Variants in AFG1L observed in about 807,000 individuals in gnomAD.
AFG1L encodes AFG1 like ATPase.
Under a neutral mutation model 62.2 loss-of-function variants are expected in AFG1L, and 53 were observed. The observed-to-expected ratio is 0.85, with a 90% confidence interval of 0.68 to 1.07. AFG1L has a LOEUF of 1.07. Among genes scored for constraint, AFG1L ranks in the 50% least tolerant of loss-of-function variants. The pLI, the probability that AFG1L is intolerant of heterozygous loss-of-function variation, is 0.00. For missense variants in AFG1L, 555 were observed against 590.5 expected (o/e 0.94, Z 0.62); for synonymous variants, 228 against 210.3 (o/e 1.08, Z -0.73).
At chr6:108,473,032 C>T (rs1389212941) in intron 8 of AFG1L, among the ~76,000 whole-genome samples, 1 of 151,990 alleles carries the variant, frequency 6.6e-6, no homozygotes, top group Non-Finnish European at 1.5e-5. Context: ...CAACTCCTGG[C>T]CTCAAGTAAT....
At chr6:108,344,548 T>G (rs138447433) in intron 2 of AFG1L, among the ~76,000 whole-genome samples, 241 of 152,282 alleles carry the variant, frequency 1.6e-3, no homozygotes, top group African/African-American at 4.9e-3. Context: ...ATCATGCCAC[T>G]GCACTCCAGC....
chr6:108,430,541 A>G (rs1348507206), intron 7 of AFG1L, among the ~76,000 whole-genome samples: 1 of 152,216 alleles, frequency 6.6e-6, no homozygotes, highest in Non-Finnish European at 1.5e-5. Flanking sequence ...TCCCACACCC[A>G]TGAACAGGCT....
At chr6:108,377,199 A>G (rs547860459) in intron 6 of AFG1L, among the ~76,000 whole-genome samples, 5 of 152,092 alleles carry the variant, frequency 3.3e-5, no homozygotes, top group African/African-American at 9.7e-5. Flanking sequence ...TCTTTATCCA[A>G]CTTGCCACTC....
chr6:108,307,834 A>C (rs377484294), intron 1 of AFG1L, among the ~76,000 whole-genome samples: 1 of 152,268 alleles, frequency 6.6e-6, no homozygotes, highest in East Asian at 1.9e-4. Flanking sequence ...ATCCTCACTA[A>C]CAGCTGGTAT....
At chr6:108,392,177 A>T (rs1781084602) in intron 6 of AFG1L, 1 of 152,174 alleles carries the variant, frequency 6.6e-6, no homozygotes, top group South Asian at 2.1e-4. Flanking sequence ...AAAATTTTTT[A>T]AAAAAGAAAA....
chr6:108,365,517 A>G (rs961004284), intron 5 of AFG1L, among the ~76,000 whole-genome samples: 3 of 138,682 alleles, frequency 2.2e-5, no homozygotes, highest in Admixed American at 7.5e-5. Flanking sequence ...GGTAGAAGGA[A>G]TATTTGTGTT....
intron 7 of AFG1L, among the ~76,000 whole-genome samples, chr6:108,434,121 T>A (rs1286152530): frequency 1.3e-5 from 2 of 152,224 alleles, no homozygotes; most frequent in Non-Finnish European, 2.9e-5. Flanking sequence ...TATGAATATT[T>A]ATGAATGTGG....
intron 10 of AFG1L, among the ~76,000 whole-genome samples, chr6:108,485,662 T>A (rs2355854): frequency 0.028 from 707 of 25,480 alleles, 1 homozygote; most frequent in Non-Finnish European, 0.04. Context: ...ATATATTTTT[T>A]TTTTTTTTTT....
At chr6:108,347,128 C>T (rs1466073390) in intron 3 of AFG1L, 89 bp downstream of exon 3, 3 of 1,110,604 alleles carry the variant, frequency 2.7e-6, no homozygotes, top group Non-Finnish European at 4.1e-6. Flanking sequence ...ATCCCTCAAT[C>T]TGTTACCAGC....
chr6:108,386,134 T>C (rs1780752764), intron 6 of AFG1L, among the ~76,000 whole-genome samples: 2 of 151,940 alleles, frequency 1.3e-5, no homozygotes, highest in East Asian at 3.9e-4. Context: ...AATAAAAGAA[T>C]GAAGGCAAAA....
At chr6:108,346,094 A>G (rs1778854082) in intron 2 of AFG1L, among the ~76,000 whole-genome samples, 1 of 152,194 alleles carries the variant, frequency 6.6e-6, no homozygotes, top group Non-Finnish European at 1.5e-5. Context: ...GTGGGCTACT[A>G]TGGTTATTGC....
intron 8 of AFG1L, among the ~76,000 whole-genome samples, chr6:108,466,119 C>G (rs568262664): frequency 9.4e-4 from 143 of 152,272 alleles, no homozygotes; most frequent in Non-Finnish European, 1.8e-3. Flanking sequence ...AATTTATCCA[C>G]CATAATCACT....
intron 10 of AFG1L, among the ~76,000 whole-genome samples, chr6:108,489,792 C>T (rs963024058): frequency 6.6e-6 from 1 of 152,048 alleles, no homozygotes; most frequent in Non-Finnish European, 1.5e-5. Context: ...GGTAGGAGAA[C>T]GGGGCTTACA....
At chr6:108,341,226 T>C (rs758372364) in intron 2 of AFG1L, among the ~76,000 whole-genome samples, 4 of 152,214 alleles carry the variant, frequency 2.6e-5, no homozygotes, top group Non-Finnish European at 4.4e-5. Context: ...CTTTGGAATT[T>C]ATTGAAGTTT....
intron 7 of AFG1L, among the ~76,000 whole-genome samples, chr6:108,428,761 G>A (rs1299725): frequency 0.66 from 100,286 of 152,024 alleles, 34,950 homozygotes; most frequent in African/African-American, 0.9. Context: ...TTTGAGAAGT[G>A]TCTATTCGTG....
At chr6:108,445,945 C>CA (rs1771768913) in intron 7 of AFG1L, among the ~76,000 whole-genome samples, 2 of 152,044 alleles carry the variant, frequency 1.3e-5, no homozygotes, top group Admixed American at 1.3e-4. Context: ...AGACTTGCTT[C>CA]ATGCAGGGTT....
intron 7 of AFG1L, among the ~76,000 whole-genome samples, chr6:108,413,244 C>T (rs1387834227): frequency 6.6e-6 from 1 of 152,124 alleles, no homozygotes; most frequent in African/African-American, 2.4e-5. Context: ...GCACTCAATA[C>T]GGGAGCACCC....
At chr6:108,496,176 A>G (rs1450290055) in intron 10 of AFG1L, among the ~76,000 whole-genome samples, 1 of 152,216 alleles carries the variant, frequency 6.6e-6, no homozygotes, top group East Asian at 1.9e-4. Flanking sequence ...AAAAGTATAA[A>G]TATTTGCAAC....
At chr6:108,407,492 A>C (rs1159348459) in intron 7 of AFG1L, among the ~76,000 whole-genome samples, 1 of 152,098 alleles carries the variant, frequency 6.6e-6, no homozygotes, top group East Asian at 1.9e-4. Flanking sequence ...CAGCCTGAGC[A>C]ACATAGTGAG....
Sources: allele counts gnomAD v4.1 joint callset (sites outside exome capture counted in the v4.1 genomes callset), GRCh38; gene constraint gnomAD v4.1.1; transcripts MANE v1.5; gene names NCBI Gene and HGNC (gene_info 2026-07-23, HGNC 2026-07-21).